Variants in DTHD1 observed in about 807,000 individuals in gnomAD.
The protein encoded by DTHD1 is death domain containing 1.
Under a neutral mutation model 74.8 loss-of-function variants are expected in DTHD1, and 59 were observed. The ratio of observed to expected loss-of-function variants is 0.79; its 90% CI spans 0.64 to 0.98. The LOEUF (loss-of-function observed/expected upper bound fraction) is 0.98, where lower values mean the gene tolerates loss of function less well. Among genes scored for constraint, DTHD1 ranks in the 50% least tolerant of loss-of-function variants. The pLI, the probability that DTHD1 is intolerant of heterozygous loss-of-function variation, is 0.00. For missense variants in DTHD1, 1,051 were observed against 1,065.4 expected (o/e 0.99, Z 0.19); for synonymous variants, 365 against 371.1 (o/e 0.98, Z 0.19).
At chr4:36,283,920 C>T (rs1451912066) in intron 1 of DTHD1, 56 bp from the exon 2 acceptor site, 18 of 1,217,906 alleles carry the variant, frequency 1.5e-5, no homozygotes, top group Non-Finnish European at 1.9e-5. Flanking sequence ...AGTGCAGAAA[C>T]ATAATTTGGT....
At chr4:36,282,864 A>G (rs1343955139) in intron 1 of DTHD1, among the ~76,000 whole-genome samples, 1 of 152,216 alleles carries the variant, frequency 6.6e-6, no homozygotes, top group Non-Finnish European at 1.5e-5. Flanking sequence ...GCAGCCCACA[A>G]TGAGACCTTT....
At chr4:36,320,078 G>C (rs1390172934) in intron 8 of DTHD1, among the ~76,000 whole-genome samples, 1 of 151,930 alleles carries the variant, frequency 6.6e-6, no homozygotes, top group Non-Finnish European at 1.5e-5. Flanking sequence ...TCCTTCCCTT[G>C]TTGCTGTAAT....
chr4:36,339,628 T>A (rs1759207412), intron 9 of DTHD1, among the ~76,000 whole-genome samples: 3 of 152,342 alleles, frequency 2.0e-5, no homozygotes, highest in South Asian at 4.1e-4. Context: ...TTCAAGTACA[T>A]AACAATGCTA....
intron 8 of DTHD1, among the ~76,000 whole-genome samples, chr4:36,324,142 C>T (rs1408835396): frequency 1.3e-5 from 2 of 151,936 alleles, no homozygotes; most frequent in African/African-American, 4.8e-5. Flanking sequence ...TCTCCTCCCC[C>T]CCATTCCTTT....
intron 8 of DTHD1, among the ~76,000 whole-genome samples, chr4:36,326,780 C>G (rs920186034): frequency 1.3e-5 from 2 of 152,164 alleles, no homozygotes; most frequent in Non-Finnish European, 2.9e-5. Context: ...TTAGCAGAAG[C>G]CTTTCATGAC....
intron 2 of DTHD1, among the ~76,000 whole-genome samples, chr4:36,286,998 G>T (rs1755753627): frequency 6.6e-6 from 1 of 151,486 alleles, no homozygotes; most frequent in African/African-American, 2.4e-5. Context: ...TATTTCAATA[G>T]GTTTTAGGGG....
At chr4:36,310,223 A>G (rs897883211) in intron 7 of DTHD1, among the ~76,000 whole-genome samples, 6 of 152,154 alleles carry the variant, frequency 3.9e-5, no homozygotes, top group African/African-American at 1.2e-4. Flanking sequence ...GAGGAAAGCA[A>G]GCAGGATGAA....
Position 36,281,943 on chromosome 4 carries a change from TG to T in DTHD1, c.187del (p.Glu63SerfsTer34). ...QELSSALHQLLEHTSGTLRST... is the reference protein window; with the variant it reads ...QELSSALHQLXEHTSGTLRST... The stretch of plus-strand genomic sequence containing the variant: ...CTCAGCAGTGCCCTTCACCAGCTGC[TG>T]GAGCACACCTCAGGCACCCTGCGTT... On this transcript the variant is annotated frameshift_variant, in exon 1 of 10. Coordinates refer to ENST00000639862, the MANE Select transcript of DTHD1 (RefSeq NM_001170700.3). LOFTEE classifies it high-confidence loss of function. 7.2e-7 allele frequency: 1 copy of T among 1,381,276 alleles called. No homozygotes were observed. Among genetic ancestry groups the T allele is most frequent in the South Asian group, 1.9e-5 (1 of 52,788 alleles). 85.6% of individuals were successfully genotyped at this position (1,381,276 alleles called of 1,614,324 possible).
rs531473956 is a variant in DTHD1 at position 36,328,622 on chromosome 4, G to A, written c.2341-10490G>A. On this transcript the variant is annotated intron_variant, in intron 8 of 9. Coordinates refer to ENST00000639862, the MANE Select transcript of DTHD1 (RefSeq NM_001170700.3). The stretch of plus-strand genomic sequence containing the variant: ...CATACTTATTTTGTCTAGTACCCTG[G>A]TTTGTGGGTTTGTTTTGTTGGAGTA... Among the ~76,000 whole-genome samples the A allele has an allele frequency of 3.9e-5, 6 of 152,230 alleles. No homozygotes were observed. In the South Asian group the frequency reaches 1.2e-3, roughly 32 times the overall value.
intron 6 of DTHD1, among the ~76,000 whole-genome samples, chr4:36,307,016 C>T (rs1354720587): frequency 6.6e-6 from 1 of 152,214 alleles, no homozygotes; most frequent in East Asian, 1.9e-4. Flanking sequence ...TGTAGCCTGA[C>T]ACGCTCCGGG....
At chr4:36,290,309 G>A in intron 2 of DTHD1, 64 bp from the exon 3 acceptor site, 2 of 1,432,834 alleles carry the variant, frequency 1.4e-6, no homozygotes, top group Non-Finnish European at 1.9e-6. Flanking sequence ...GTGCTTTTCT[G>A]CATTTAGCTG....
chr4:36,313,865 A>G (rs1332071079), intron 7 of DTHD1, among the ~76,000 whole-genome samples: 1 of 152,210 alleles, frequency 6.6e-6, no homozygotes, highest in African/African-American at 2.4e-5. Context: ...CCAAAGTAGT[A>G]AAAGTTTTCT....
At chr4:36,291,099 G>A (rs972467841) in intron 3 of DTHD1, among the ~76,000 whole-genome samples, 4 of 152,152 alleles carry the variant, frequency 2.6e-5, no homozygotes, top group Non-Finnish European at 4.4e-5. Context: ...CACGGGTTGG[G>A]AAAATAGATA....
At chr4:36,316,170 C>G (rs142166155) in intron 7 of DTHD1, 72 bp from the exon 8 acceptor site, 2 of 1,432,426 alleles carry the variant, frequency 1.4e-6, no homozygotes, top group Admixed American at 4.6e-5. Flanking sequence ...CTCCTGACCT[C>G]GTGATCCGCC....
chr4:36,293,596 C>A lies in DTHD1; in HGVS notation c.1289C>A (p.Ser430Ter). 1 of 1,549,682 alleles carries A rather than the reference C, an allele frequency of 6.5e-7. No homozygotes were observed. Among genetic ancestry groups the A allele is most frequent in the South Asian group, 1.2e-5 (1 of 83,802 alleles). Residue 430 changes from serine to a stop codon, truncating the protein, a stop_gained, in exon 4 of 10, where the codon TCG becomes TAG. Coordinates refer to ENST00000639862, the MANE Select transcript of DTHD1 (RefSeq NM_001170700.3). LOFTEE classifies it high-confidence loss of function. ...GTTGTGTCTTGTTTAAAGAAAGAGT[C>A]GTTCACAGTAACAAAGAAAGGCCTC... ...FSVVSCLKKE[S>*]FTVTKKGLAL... is the part of the protein sequence containing the mutation.
rs560708309 is a variant in DTHD1, at chr4:36,302,066, G to A, written c.1644-4125G>A. On this transcript the variant is annotated intron_variant, in intron 5 of 9. Transcript: ENST00000639862. ...GTGCGGGGGCCCACTAAGGTACAGCGTCATCGGGAGCTCAAGCTCAGGGTG... is the reference window on the plus strand; with the variant it reads ...GTGCGGGGGCCCACTAAGGTACAGCATCATCGGGAGCTCAAGCTCAGGGTG... Among the ~76,000 whole-genome samples, 26 of 152,296 alleles carry A rather than the reference G, an allele frequency of 1.7e-4. No homozygotes were observed. In the South Asian group the frequency reaches 4.4e-3, roughly 25 times the overall value.
At chr4:36,306,451 C>A in intron 6 of DTHD1, 99 bp downstream of exon 6, 5 of 1,227,362 alleles carry the variant, frequency 4.1e-6, no homozygotes, top group South Asian at 2.1e-5. Flanking sequence ...TTTTATTCTT[C>A]GAATAGAAAT....
At chr4:36,315,966 CCTT>C (rs1483314305) in intron 7 of DTHD1, among the ~76,000 whole-genome samples, 1 of 152,182 alleles carries the variant, frequency 6.6e-6, no homozygotes, top group Non-Finnish European at 1.5e-5. Context: ...GACGGAGTCT[CCTT>C]CTAGCGCCCA....
intron 8 of DTHD1, among the ~76,000 whole-genome samples, chr4:36,316,725 T>G (rs1009319650): frequency 6.6e-5 from 10 of 152,210 alleles, no homozygotes; most frequent in Non-Finnish European, 1.0e-4. Context: ...CCCCACAGCA[T>G]GTTGTTGCTA....
Sources: allele counts gnomAD v4.1 joint callset (sites outside exome capture counted in the v4.1 genomes callset), GRCh38; gene constraint gnomAD v4.1.1; transcripts MANE v1.5; gene names NCBI Gene and HGNC (gene_info 2026-07-23, HGNC 2026-07-21).